PFKFB3: variants seen among roughly 807,000 people sequenced by gnomAD.
PFKFB3 encodes the protein 6-phosphofructo-2-kinase/fructose-2,6-bisphosphatase 3.
In PFKFB3, 33 loss-of-function variants were observed where a neutral mutation model predicts 68.0. The observed-to-expected ratio is 0.49, with a 90% CI of 0.37 to 0.65. PFKFB3 has a LOEUF of 0.65. Ranked by LOEUF, PFKFB3 falls within the 30% of genes least tolerant of loss-of-function variation. The pLI, the probability that PFKFB3 is intolerant of heterozygous loss-of-function variation, is 0.00. For synonymous variants in PFKFB3, 315 were observed against 288.2 expected, an observed-to-expected ratio of 1.09 and a Z score of -0.94; for missense variants, 586 against 712.2, an observed-to-expected ratio of 0.82 and a Z score of 2.02.
chr10:6,203,968 G>A (rs1056230892), intron 1 of PFKFB3, among the ~76,000 whole-genome samples: 1 of 152,300 alleles, frequency 6.6e-6, no homozygotes, highest in African/African-American at 2.4e-5. Flanking sequence ...TGCTGGGGGC[G>A]CCAGGAGAGC....
intron 1 of PFKFB3, chr10:6,145,138 T>G (rs1303165915): frequency 1.3e-6 from 1 of 748,860 alleles, no homozygotes; most frequent in Non-Finnish European, 1.8e-6. Flanking sequence ...GCTGCGGCGG[T>G]GCCGCCCGGG....
At chr10:6,219,830 T>A (rs1844830933) in intron 7 of PFKFB3, 137 bp downstream of exon 7, 2 of 786,882 alleles carry the variant, frequency 2.5e-6, no homozygotes, top group Non-Finnish European at 4.0e-6. Flanking sequence ...AGAGATGAGG[T>A]CTCGCTATGT....
the PFKFB3 span, among the ~76,000 whole-genome samples, chr10:6,266,506 T>C: frequency 6.6e-6 from 1 of 152,172 alleles, no homozygotes; most frequent in African/African-American, 2.4e-5. Flanking sequence ...TGCCAGTGGG[T>C]GTCATTGCTT....
the PFKFB3 span, among the ~76,000 whole-genome samples, chr10:6,270,124 A>C: frequency 2.0e-5 from 3 of 152,004 alleles, no homozygotes; most frequent in Non-Finnish European, 4.4e-5. Flanking sequence ...AAGAGCAAAA[A>C]CTCCGTCTCA....
upstream of PFKFB3, among the ~76,000 whole-genome samples, chr10:6,201,210 GT>G (rs1843337620): frequency 6.6e-6 from 1 of 151,844 alleles, no homozygotes; most frequent in South Asian, 2.1e-4. The surrounding 1 kb of genome is among the most constrained non-coding windows in gnomAD (Gnocchi z 4.1). Context: ...GCTGCCTGCT[GT>G]TTCCCTCTTC....
At position 6,215,368 on chromosome 10, in the gene PFKFB3, C is replaced by T. The variant is rs140458074; in HGVS notation, c.299+51C>T. The T allele has an allele frequency of 1.1e-3, 1,573 of 1,390,738 alleles. 12 individuals are homozygous for T. In the African/African-American group the frequency reaches 0.018, roughly 15 times the overall value. The allele number at this position is 1,390,738 out of a possible 1,614,324, so 86.1% of individuals were successfully genotyped here. A position where few individuals can be genotyped will look rare whatever the true frequency, so the allele number is the denominator to read the frequency against. On this transcript the variant is annotated intron_variant, in intron 3 of 14. Transcript: ENST00000379775. This position sits in a 1 kb window ranked among gnomAD's most constrained non-coding sequence, Gnocchi z 4.3. ...CTGGGCTGTGGGAATAAGGCTGGGCCGCGGGCATAAGGCTGGGCTGCAGGA... is the reference window on the plus strand; with the variant it reads ...CTGGGCTGTGGGAATAAGGCTGGGCTGCGGGCATAAGGCTGGGCTGCAGGA...
rs543703905 is a variant in PFKFB3, at chr10:6,165,036, C to T, written c.16+20023C>T. 2.6e-4 allele frequency among the ~76,000 whole-genome samples: 40 copies of T among 152,140 alleles called. No homozygotes were observed. In the South Asian group the frequency reaches 8.3e-3, roughly 32 times the overall value. On this transcript the variant is annotated intron_variant, in intron 1 of 14. Transcript: ENST00000379789. ...CTTTCACTACTTCTCAGTACAGACCCTTTACGGGTGTCTGGCTGGGGCACG... is the reference window on the plus strand; with the variant it reads ...CTTTCACTACTTCTCAGTACAGACCTTTTACGGGTGTCTGGCTGGGGCACG...
the PFKFB3 span, among the ~76,000 whole-genome samples, chr10:6,267,814 G>T: frequency 5.3e-4 from 81 of 152,000 alleles, no homozygotes; most frequent in African/African-American, 1.9e-3. Context: ...AATTAGCCAG[G>T]CATGGTGGCG....
chr10:6,276,743 C>T, the PFKFB3 span, among the ~76,000 whole-genome samples: 1,073 of 152,152 alleles, frequency 7.1e-3, 11 homozygotes, highest in African/African-American at 0.025. Flanking sequence ...CAGTTTCTCC[C>T]AATGTGACAT....
Position 6,240,551 on chromosome 10 carries a change from G to A in PFKFB3, c.1516-13627G>A, listed in dbSNP as rs138135803. ...TGTGCTGGGATTACAGACGTGAGCC[G>A]CCGCGCCTGGCCTGAAATAATTTTA... On this transcript the variant is annotated intron_variant, in intron 14 of 14. Coordinates refer to the PFKFB3 transcript ENST00000640683. Among the ~76,000 whole-genome samples, 19 of 152,018 alleles carry A rather than the reference G, an allele frequency of 1.2e-4. No individual in the cohort carries two copies. The South Asian group carries it at 1.5e-3, about 12-fold the overall frequency.
At position 6,215,612 on chromosome 10, in the gene PFKFB3, C is replaced by CGCTGAGCTGACCCTCACTGGG. The variant is rs1204576858; in HGVS notation, c.299+296_299+316dup. 1.3e-5 allele frequency among the ~76,000 whole-genome samples: 2 copies of CGCTGAGCTGACCCTCACTGGG among 152,156 alleles called. No individual in the cohort carries two copies. Among genetic ancestry groups the CGCTGAGCTGACCCTCACTGGG allele is most frequent in the African/African-American group, 4.8e-5 (2 of 41,424 alleles). Reference sequence around the variant, plus strand: ...GCTCTCATCTGTCCCCTGAGGGTCTCGCTGAGCTGACCCTCACTGGGACAG... The same window carrying CGCTGAGCTGACCCTCACTGGG: ...GCTCTCATCTGTCCCCTGAGGGTCTCGCTGAGCTGACCCTCACTGGGGCTGAGCTGACCCTCACTGGGACAG... On this transcript the variant is annotated intron_variant, in intron 3 of 14. Transcript: ENST00000379775. This position sits in a 1 kb window ranked among gnomAD's most constrained non-coding sequence, Gnocchi z 4.3.
chr10:6,185,773 G>A, intron 1 of PFKFB3, among the ~76,000 whole-genome samples: 1 of 151,944 alleles, frequency 6.6e-6, no homozygotes, highest in East Asian at 1.9e-4. Flanking sequence ...CCGAGTAGCT[G>A]GGATTACAGG....
At chr10:6,325,039 C>T in the PFKFB3 span, among the ~76,000 whole-genome samples, 1 of 152,178 alleles carries the variant, frequency 6.6e-6, no homozygotes, top group Non-Finnish European at 1.5e-5. Context: ...TCTTGACTCA[C>T]TATAGCCTTC....
At chr10:6,148,777 C>T (rs1422673678) in intron 1 of PFKFB3, among the ~76,000 whole-genome samples, 1 of 152,094 alleles carries the variant, frequency 6.6e-6, no homozygotes, top group East Asian at 1.9e-4. Flanking sequence ...GAACTTCTCT[C>T]CTTAGAAATC....
At chr10:6,207,250 A>T (rs1005624058) in intron 1 of PFKFB3, among the ~76,000 whole-genome samples, 17 of 152,248 alleles carry the variant, frequency 1.1e-4, no homozygotes, top group African/African-American at 1.9e-4. Context: ...AGCCCGGCCA[A>T]CACAGCGAAA....
the PFKFB3 span, among the ~76,000 whole-genome samples, chr10:6,273,559 G>A: frequency 6.6e-6 from 1 of 152,148 alleles, no homozygotes; most frequent in African/African-American, 2.4e-5. Flanking sequence ...ATGGAGATTG[G>A]ACTGGAGTAT....
At chr10:6,260,931 G>A in the PFKFB3 span, among the ~76,000 whole-genome samples, 1 of 152,150 alleles carries the variant, frequency 6.6e-6, no homozygotes, top group Admixed American at 6.5e-5. Flanking sequence ...AATGGGAGGT[G>A]GTAGGCATGT....
chr10:6,254,855 T>C (rs1846470450), downstream of PFKFB3, among the ~76,000 whole-genome samples: 1 of 137,588 alleles, frequency 7.3e-6, no homozygotes, highest in Non-Finnish European at 1.5e-5. Context: ...TCTCGCTCTG[T>C]CACCCAGGCT....
At position 6,229,273 on chromosome 10, in the gene PFKFB3, T is replaced by G. The variant is rs956216971; in HGVS notation, c.1515+2908T>G. The stretch of plus-strand genomic sequence containing the variant: ...ATGTCCACGTTCCTTAAGACCACCC[T>G]GGGAGGTCGGCAGGGCAGTCAGTCC... On this transcript the variant is annotated intron_variant, in intron 14 of 14. Transcript: ENST00000379775. This position sits in a 1 kb window ranked among gnomAD's most constrained non-coding sequence, Gnocchi z 4.3. 2.3e-5 allele frequency: 10 copies of G among 438,708 alleles called. No individual in the cohort carries two copies. The highest frequency in any genetic ancestry group is 4.8e-5 in the Non-Finnish European group (10 of 207,722). 27.2% of individuals were successfully genotyped at this position (438,708 alleles called of 1,614,324 possible). A position where few individuals can be genotyped will look rare whatever the true frequency, so the allele number is the denominator to read the frequency against.
Sources: allele counts gnomAD v4.1 joint callset (sites outside exome capture counted in the v4.1 genomes callset), GRCh38; gene constraint gnomAD v4.1.1; non-coding constraint Gnocchi (gnomAD v3.1); transcripts MANE v1.5; gene names NCBI Gene and HGNC (gene_info 2026-07-23, HGNC 2026-07-21).